EYA2: variants seen among roughly 807,000 people sequenced by gnomAD.
The protein encoded by EYA2 is protein phosphatase EYA2.
In EYA2, 31 loss-of-function variants were observed where a neutral mutation model predicts 69.2. The observed-to-expected ratio is 0.45, with a 90% CI of 0.34 to 0.60. The LOEUF is 0.60. Ranked by LOEUF, EYA2 falls within the 20% of genes least tolerant of loss-of-function variation. The pLI, the probability that EYA2 is intolerant of heterozygous loss-of-function variation, is 0.02. For missense variants in EYA2, 622 were observed against 701.2 expected (o/e 0.89, Z 1.28); for synonymous variants, 257 against 279.4 (o/e 0.92, Z 0.80).
chr20:47,055,792 A>G lies in EYA2; in HGVS notation c.416-16393A>G, dbSNP rs540649430. ...ATTGATCCCCTGTTTAACTGAAATC[A>G]ACAAACATAAATATTCAGTCCAGCA... is the stretch of plus-strand genomic sequence containing the variant. On this transcript the variant is annotated intron_variant, in intron 5 of 15. Coordinates refer to ENST00000327619, the MANE Select transcript of EYA2 (RefSeq NM_005244.5). Among the ~76,000 whole-genome samples the G allele has an allele frequency of 2.6e-5, 4 of 152,318 alleles. No homozygotes were observed. The South Asian group carries it at 8.3e-4, about 32-fold the overall frequency.
chr20:47,060,054 C>T (rs1463311930), intron 5 of EYA2, among the ~76,000 whole-genome samples: 1 of 152,202 alleles, frequency 6.6e-6, no homozygotes, highest in East Asian at 1.9e-4. Flanking sequence ...ATTTAAAACT[C>T]AGGAGATTTT....
intron 1 of EYA2, among the ~76,000 whole-genome samples, chr20:46,953,068 A>G (rs1483253346): frequency 6.6e-6 from 1 of 152,244 alleles, no homozygotes; most frequent in East Asian, 1.9e-4. Flanking sequence ...TCTATCTTTA[A>G]AAATACTTTT....
chr20:47,000,822 G>T (rs1786710003), intron 2 of EYA2, among the ~76,000 whole-genome samples: 1 of 152,116 alleles, frequency 6.6e-6, no homozygotes, highest in African/African-American at 2.4e-5. Context: ...GGAGATGATC[G>T]AAGTGGTTCC....
Position 47,179,790 on chromosome 20 carries a change from G to T in EYA2, c.1199-8G>T. ...CGATGACTACATCTTTATTTCCTTT[G>T]TCCACAGGGTTGATAGGCACTCCCA... is the stretch of plus-strand genomic sequence containing the variant. On this transcript the variant is annotated splice_polypyrimidine_tract_variant and splice_region_variant and intron_variant, in intron 12 of 15. Transcript: ENST00000327619. 6.3e-7 allele frequency: 1 copy of T among 1,599,650 alleles called. No homozygotes were observed. Among genetic ancestry groups the T allele is most frequent in the Non-Finnish European group, 8.6e-7 (1 of 1,167,676 alleles).
At chr20:46,927,626 A>G (rs531983561) in intron 1 of EYA2, among the ~76,000 whole-genome samples, 1 of 152,304 alleles carries the variant, frequency 6.6e-6, no homozygotes, top group South Asian at 2.1e-4. Flanking sequence ...CGTGAGACTT[A>G]TTCACTACCA....
intron 1 of EYA2, among the ~76,000 whole-genome samples, chr20:46,925,755 T>G (rs915752075): frequency 2.0e-5 from 3 of 152,236 alleles, no homozygotes; most frequent in African/African-American, 7.2e-5. Context: ...GAGGGCAGAT[T>G]GGCGTGGCCC....
intron 10 of EYA2, among the ~76,000 whole-genome samples, chr20:47,153,523 T>C (rs2033864489): frequency 6.6e-6 from 1 of 151,706 alleles, no homozygotes; most frequent in Non-Finnish European, 1.5e-5. Context: ...GGCATGGTGA[T>C]GAGTGCCTAT....
intron 9 of EYA2, among the ~76,000 whole-genome samples, chr20:47,127,541 T>C (rs1444658903): frequency 1.3e-5 from 2 of 152,058 alleles, no homozygotes; most frequent in Admixed American, 6.6e-5. Context: ...GAAGCAGAGG[T>C]TACAGTGAGC....
At chr20:47,173,514 A>AAAT in intron 12 of EYA2, among the ~76,000 whole-genome samples, 1 of 149,038 alleles carries the variant, frequency 6.7e-6, no homozygotes, top group African/African-American at 2.5e-5. Flanking sequence ...CCCCGTAAAA[A>AAAT]AAAAAAAAAA....
chr20:46,981,682 A>T (rs1482459211), intron 1 of EYA2, among the ~76,000 whole-genome samples: 2 of 152,218 alleles, frequency 1.3e-5, no homozygotes, highest in Admixed American at 6.5e-5. Flanking sequence ...GGATTATTTT[A>T]TCATTATTGT....
At chr20:47,177,559 C>G (rs1417803363) in intron 12 of EYA2, among the ~76,000 whole-genome samples, 5 of 152,202 alleles carry the variant, frequency 3.3e-5, no homozygotes, top group Admixed American at 3.3e-4. Flanking sequence ...GAGTTTGACA[C>G]TTTTCAGAAA....
intron 7 of EYA2, among the ~76,000 whole-genome samples, chr20:47,081,686 G>A (rs1296584004): frequency 2.0e-5 from 3 of 150,786 alleles, no homozygotes; most frequent in Non-Finnish European, 4.4e-5. Context: ...GGCTGAGGCA[G>A]GAGAATCACT....
chr20:46,931,284 G>A, intron 1 of EYA2, among the ~76,000 whole-genome samples: 1 of 152,170 alleles, frequency 6.6e-6, no homozygotes, highest in East Asian at 1.9e-4. Flanking sequence ...TTAACCTTGG[G>A]CTAACACTAA....
intron 1 of EYA2, chr20:46,978,308 G>A: frequency 3.4e-6 from 1 of 297,754 alleles, no homozygotes; most frequent in Non-Finnish European, 6.7e-6. Context: ...ACAAACACCT[G>A]TAAAAACTGT....
At chr20:47,001,751 G>T (rs538925253) in intron 3 of EYA2, among the ~76,000 whole-genome samples, 2 of 151,096 alleles carry the variant, frequency 1.3e-5, no homozygotes, top group African/African-American at 4.9e-5. Context: ...TGTCCTCAGA[G>T]TCTTAGCTAT....
At chr20:46,960,673 C>T (rs962656113) in intron 1 of EYA2, among the ~76,000 whole-genome samples, 1 of 152,188 alleles carries the variant, frequency 6.6e-6, no homozygotes, top group Non-Finnish European at 1.5e-5. Context: ...CTTATTAGAA[C>T]ACAGTCATCC....
chr20:47,128,296 G>A (rs1467618838), intron 9 of EYA2, among the ~76,000 whole-genome samples: 1 of 152,160 alleles, frequency 6.6e-6, no homozygotes, highest in Non-Finnish European at 1.5e-5. Flanking sequence ...ATACTCCACA[G>A]CAATAAGGGG....
At position 47,034,481 on chromosome 20, in the gene EYA2, T is replaced by C. The variant is rs73123724; in HGVS notation, c.415+18184T>C. 9.9e-3 allele frequency among the ~76,000 whole-genome samples: 1,505 copies of C among 152,304 alleles called. 9 individuals carry two copies. Among genetic ancestry groups the C allele is most frequent in the Non-Finnish European group, 0.017 (1,143 of 68,038 alleles). ...CAGGAATCTTGTTCAATATCTTCCT[T>C]GCATAAGTGTGCAAGTGGAGGCTTA... On this transcript the variant is annotated intron_variant, in intron 5 of 15. Transcript: ENST00000327619.
At chr20:47,135,533 T>G (rs2033443493) in intron 9 of EYA2, among the ~76,000 whole-genome samples, 1 of 151,838 alleles carries the variant, frequency 6.6e-6, no homozygotes, top group Non-Finnish European at 1.5e-5. Context: ...AACTCATATT[T>G]GAATTATGAA....
Sources: allele counts gnomAD v4.1 joint callset (sites outside exome capture counted in the v4.1 genomes callset), GRCh38; gene constraint gnomAD v4.1.1; transcripts MANE v1.5; gene names NCBI Gene and HGNC (gene_info 2026-07-23, HGNC 2026-07-21).